Variants in PPARGC1A observed in about 807,000 individuals in gnomAD.
PPARGC1A encodes the protein PPARG coactivator 1 alpha.
Under a neutral mutation model 88.7 loss-of-function variants are expected in PPARGC1A, and 25 were observed. The ratio of observed to expected loss-of-function variants is 0.28; its 90% CI spans 0.21 to 0.39. The LOEUF is 0.39. Among genes scored for constraint, PPARGC1A ranks in the 10% least tolerant of loss-of-function variants. PPARGC1A has a pLI of 1.00. For synonymous variants in PPARGC1A, 363 were observed against 355.6 expected (o/e 1.02, Z -0.24); for missense variants, 880 against 968.7 (o/e 0.91, Z 1.22).
At chr4:24,176,124 T>C in the PPARGC1A span, among the ~76,000 whole-genome samples, 1 of 152,140 alleles carries the variant, frequency 6.6e-6, no homozygotes, top group Non-Finnish European at 1.5e-5. Flanking sequence ...TATGGTTAAA[T>C]CTCCAGGACC....
chr4:23,884,955 T>A (rs768821825), intron 1 of PPARGC1A, 24 bp from the exon 2 acceptor site: 29 of 1,498,752 alleles, frequency 1.9e-5, no homozygotes, highest in Middle Eastern at 3.6e-4. Context: ...AAAAAAAAAA[T>A]TTAAAAAAGC....
At chr4:24,107,731 A>T in the PPARGC1A span, among the ~76,000 whole-genome samples, 1 of 152,314 alleles carries the variant, frequency 6.6e-6, no homozygotes, top group East Asian at 1.9e-4. Flanking sequence ...TTGGTTCTGC[A>T]GGCAATAGGG....
At chr4:24,437,382 G>A in the PPARGC1A span, among the ~76,000 whole-genome samples, 44 of 152,264 alleles carry the variant, frequency 2.9e-4, no homozygotes, top group African/African-American at 1.0e-3. Flanking sequence ...ACACCTGAAG[G>A]GCAGACATGA....
At chr4:24,461,659 C>A in the PPARGC1A span, among the ~76,000 whole-genome samples, 1 of 151,890 alleles carries the variant, frequency 6.6e-6, no homozygotes, top group African/African-American at 2.4e-5. Context: ...TAAATGAAAG[C>A]TCTCTTAGGG....
intron 10 of PPARGC1A, among the ~76,000 whole-genome samples, chr4:23,811,153 T>C (rs1720818637): frequency 6.6e-6 from 1 of 152,208 alleles, no homozygotes; most frequent in African/African-American, 2.4e-5. Context: ...CACTTATTTC[T>C]CCTTAAGTGC....
the PPARGC1A span, among the ~76,000 whole-genome samples, chr4:24,407,013 G>A: frequency 6.6e-6 from 1 of 152,088 alleles, no homozygotes; most frequent in Non-Finnish European, 1.5e-5. Context: ...GTTCTTTTGA[G>A]CCTTTTCTTT....
the PPARGC1A span, among the ~76,000 whole-genome samples, chr4:24,350,995 C>T: frequency 6.6e-6 from 1 of 151,412 alleles, no homozygotes; most frequent in Non-Finnish European, 1.5e-5. Context: ...TTTTTAATTA[C>T]CTGGGGGGTG....
chr4:24,376,540 A>G, the PPARGC1A span, among the ~76,000 whole-genome samples: 3 of 152,210 alleles, frequency 2.0e-5, no homozygotes, highest in African/African-American at 7.2e-5. Flanking sequence ...GCCGTTTTTG[A>G]GCCATTTGGA....
chr4:24,169,421 C>T, the PPARGC1A span, among the ~76,000 whole-genome samples: 1 of 152,110 alleles, frequency 6.6e-6, no homozygotes, highest in African/African-American at 2.4e-5. Context: ...TAACATATAA[C>T]TATCAGTTCA....
the PPARGC1A span, among the ~76,000 whole-genome samples, chr4:24,387,830 A>AAGAAAGAAAGAAAGAAAGAG: frequency 1.0e-5 from 1 of 96,548 alleles, no homozygotes; most frequent in Non-Finnish European, 2.5e-5. Flanking sequence ...GAAAGAGAGA[A>AAGAAAGAAAGAAAGAAAGAG]AGAGAGAAAG....
the PPARGC1A span, among the ~76,000 whole-genome samples, chr4:24,443,536 T>C: frequency 2.0e-5 from 3 of 151,946 alleles, no homozygotes; most frequent in African/African-American, 4.8e-5. Flanking sequence ...ACCAGAGGGC[T>C]TTTGGTTTTT....
the PPARGC1A span, among the ~76,000 whole-genome samples, chr4:24,411,984 C>T: frequency 2.6e-5 from 4 of 151,960 alleles, no homozygotes; most frequent in East Asian, 1.9e-4. Flanking sequence ...TCCATATGCA[C>T]ATTTTTGTGT....
At chr4:24,206,515 C>T in the PPARGC1A span, among the ~76,000 whole-genome samples, 1 of 152,048 alleles carries the variant, frequency 6.6e-6, no homozygotes, top group Non-Finnish European at 1.5e-5. Context: ...ATAAAAAAAG[C>T]CAAAGACCAT....
At chr4:23,899,593 T>C (rs1719048116), upstream of PPARGC1A, among the ~76,000 whole-genome samples, 1 of 152,224 alleles carries the variant, frequency 6.6e-6, no homozygotes, top group African/African-American at 2.4e-5. Context: ...TGAGAATTAA[T>C]GAACTTCTGC....
At chr4:24,377,419 G>A in the PPARGC1A span, among the ~76,000 whole-genome samples, 525 of 152,016 alleles carry the variant, frequency 3.5e-3, 24 homozygotes, top group East Asian at 0.079. Flanking sequence ...CAAAGTTGAC[G>A]TTGTATTGCA....
the PPARGC1A span, among the ~76,000 whole-genome samples, chr4:23,909,193 C>T: frequency 2.0e-5 from 3 of 151,954 alleles, no homozygotes; most frequent in South Asian, 2.1e-4. Context: ...CTGACCCGTA[C>T]GTAATTTGAA....
the PPARGC1A span, among the ~76,000 whole-genome samples, chr4:24,368,583 C>T: frequency 6.6e-6 from 1 of 152,014 alleles, no homozygotes; most frequent in Non-Finnish European, 1.5e-5. Context: ...AGGGTACATT[C>T]CCTGAACAAG....
At chr4:24,232,898 A>G in the PPARGC1A span, among the ~76,000 whole-genome samples, 1 of 152,218 alleles carries the variant, frequency 6.6e-6, no homozygotes, top group Non-Finnish European at 1.5e-5. Context: ...GCATATATTT[A>G]TTGATTTAGC....
chr4:24,387,932 AAG>A, the PPARGC1A span, among the ~76,000 whole-genome samples: 12,964 of 31,064 alleles, frequency 0.42, 1,415 homozygotes, highest in Non-Finnish European at 0.49. Context: ...GAAAGAAAGA[AAG>A]AGAAAGAAAG....
Sources: allele counts gnomAD v4.1 joint callset (sites outside exome capture counted in the v4.1 genomes callset), GRCh38; gene constraint gnomAD v4.1.1; transcripts MANE v1.5; gene names NCBI Gene and HGNC (gene_info 2026-07-23, HGNC 2026-07-21).